PCDH11X: variants seen among roughly 807,000 people sequenced by gnomAD.
PCDH11X encodes the protein protocadherin 11 X-linked.
Under a neutral mutation model 53.3 loss-of-function variants are expected in PCDH11X, and 18 were observed. The observed-to-expected ratio is 0.34, with a 90% confidence interval of 0.23 to 0.50. PCDH11X has a LOEUF of 0.50. PCDH11X is among the 20% of genes least tolerant of loss of function. The pLI is 0.98. For missense variants in PCDH11X, 570 were observed against 1,032.4 expected (o/e 0.55, Z 6.14); for synonymous variants, 279 against 393.3 (o/e 0.71, Z 3.44).
intron 6 of PCDH11X, among the ~76,000 whole-genome samples, chrX:92,002,302 G>A (rs2062524214): frequency 9.3e-6 from 1 of 107,845 alleles, no homozygotes; most frequent in Non-Finnish European, 1.9e-5. Flanking sequence ...GGTTACTATA[G>A]CTTTGTAGTA....
At chrX:91,795,498 T>A (rs1241971068) in intron 1 of PCDH11X, among the ~76,000 whole-genome samples, 1 of 111,554 alleles carries the variant, frequency 9.0e-6, no homozygotes, top group Non-Finnish European at 1.9e-5. Context: ...ATTTGAATGG[T>A]AAATACCAAA....
intron 6 of PCDH11X, among the ~76,000 whole-genome samples, chrX:91,998,349 G>T (rs2062453306): frequency 9.0e-6 from 1 of 111,557 alleles, no homozygotes; most frequent in Non-Finnish European, 1.9e-5. Flanking sequence ...AGCCTCTTAA[G>T]ATTCTTTGTA....
chrX:92,313,374 A>T (rs142954890), intron 8 of PCDH11X, among the ~76,000 whole-genome samples: 1,452 of 110,428 alleles, frequency 0.013, 26 homozygotes, highest in African/African-American at 0.046. Flanking sequence ...GATAGAGAAG[A>T]CAAACCTACA....
In PCDH11X at chrX:92,122,670, C is replaced by T. The variant is rs773759990; in HGVS notation, c.3034-78705C>T. ...AATCTGGGCCAGGAGCAGGCAGTGGCTCACACCTGTAATCCCAGCACTTTG... is the reference window on the plus strand; with the variant it reads ...AATCTGGGCCAGGAGCAGGCAGTGGTTCACACCTGTAATCCCAGCACTTTG... On this transcript the variant is annotated intron_variant, in intron 6 of 10. Transcript: ENST00000682573. 1.1e-4 allele frequency among the ~76,000 whole-genome samples: 12 copies of T among 111,959 alleles called. No individual in the cohort carries two copies. The East Asian group carries it at 3.4e-3, about 32-fold the overall frequency.
intron 7 of PCDH11X, among the ~76,000 whole-genome samples, chrX:92,256,752 C>A (rs1189760081): frequency 9.1e-6 from 1 of 109,960 alleles, no homozygotes; most frequent in African/African-American, 3.3e-5. Flanking sequence ...TGTGTTGTTC[C>A]ACCCTGTGTT....
chrX:92,490,918 G>A lies in PCDH11X; in HGVS notation c.3367+22596G>A, dbSNP rs186427122. ...AATGACAACTGTGAGTTTTGGGGCA[G>A]ATCGTAGGGAATCCTAAGCTGAGAA... is the stretch of plus-strand genomic sequence containing the variant. On this transcript the variant is annotated intron_variant, in intron 10 of 10. Coordinates refer to ENST00000682573, the MANE Select transcript of PCDH11X (RefSeq NM_032968.5). Among the ~76,000 whole-genome samples the A allele has an allele frequency of 4.1e-4, 44 of 107,961 alleles. No individual in the cohort carries two copies. In the East Asian group the frequency reaches 0.014, roughly 33 times the overall value. 93.8% of individuals were successfully genotyped at this position (107,961 alleles called of 115,157 possible). A position where few individuals can be genotyped will look rare whatever the true frequency, so the allele number is the denominator to read the frequency against.
intron 8 of PCDH11X, among the ~76,000 whole-genome samples, chrX:92,305,982 T>C (rs1270472013): frequency 3.7e-5 from 4 of 109,386 alleles, no homozygotes; most frequent in African/African-American, 1.3e-4. Flanking sequence ...TTTTCTCAAG[T>C]ACACTTAGAA....
chrX:91,949,934 G>C (rs768028534), intron 6 of PCDH11X, among the ~76,000 whole-genome samples: 1 of 108,432 alleles, frequency 9.2e-6, no homozygotes, highest in East Asian at 2.9e-4. Flanking sequence ...GGAGTGATCA[G>C]GAGAAGTGGG....
At chrX:92,415,161 A>G (rs1373108035) in intron 9 of PCDH11X, among the ~76,000 whole-genome samples, 1 of 111,441 alleles carries the variant, frequency 9.0e-6, no homozygotes, top group Non-Finnish European at 1.9e-5. Context: ...GAAAAGTTCT[A>G]TAATGCATTC....
rs775760125 is a variant in PCDH11X at position 92,356,878 on chromosome X, G to A, written c.3145-30857G>A. On this transcript the variant is annotated intron_variant, in intron 8 of 10. Coordinates refer to ENST00000682573, the MANE Select transcript of PCDH11X (RefSeq NM_032968.5). Reference sequence around the variant, plus strand: ...TTGCTATTTTCCAGAGATGGGCCACGTAAAATTGTCCACTCTAGGTGATTT... The same window carrying A: ...TTGCTATTTTCCAGAGATGGGCCACATAAAATTGTCCACTCTAGGTGATTT... Among the ~76,000 whole-genome samples, 37 of 110,170 alleles carry A rather than the reference G, an allele frequency of 3.4e-4. No homozygotes were observed. The South Asian group carries it at 0.01, about 31-fold the overall frequency.
At chrX:92,317,013 C>CA (rs1279657981) in intron 8 of PCDH11X, among the ~76,000 whole-genome samples, 1 of 110,123 alleles carries the variant, frequency 9.1e-6, no homozygotes, top group South Asian at 3.8e-4. Flanking sequence ...CACGTACTTT[C>CA]AAAAAAAATT....
intron 6 of PCDH11X, among the ~76,000 whole-genome samples, chrX:92,175,781 TATATACACAC>T (rs1202213901): frequency 6.2e-5 from 5 of 81,141 alleles, no homozygotes; most frequent in Non-Finnish European, 1.2e-4. Flanking sequence ...TGTGTGTATA[TATATACACAC>T]ACACACACAC....
chrX:92,274,988 G>A (rs1374748973), intron 8 of PCDH11X, among the ~76,000 whole-genome samples: 9 of 109,651 alleles, frequency 8.2e-5, no homozygotes, highest in African/African-American at 2.3e-4. Flanking sequence ...GGTAATTGTG[G>A]GACTTAAAGA....
chrX:92,090,261 AC>A (rs1342387977), intron 6 of PCDH11X, among the ~76,000 whole-genome samples: 1 of 111,652 alleles, frequency 9.0e-6, no homozygotes, highest in East Asian at 2.8e-4. Flanking sequence ...ATACAGTGCC[AC>A]CTTTTTATTG....
chrX:92,062,488 G>T (rs1391669645), intron 6 of PCDH11X, among the ~76,000 whole-genome samples: 2 of 111,173 alleles, frequency 1.8e-5, no homozygotes, highest in Non-Finnish European at 3.8e-5. Flanking sequence ...ACTATTTTGA[G>T]GTATGCTCCT....
intron 9 of PCDH11X, among the ~76,000 whole-genome samples, chrX:92,440,452 C>A (rs1224508745): frequency 2.7e-5 from 3 of 109,173 alleles, no homozygotes; most frequent in Non-Finnish European, 5.7e-5. Flanking sequence ...ATCTCGAATA[C>A]CCATGCATTG....
chrX:91,994,987 T>C (rs1329713547), intron 6 of PCDH11X, among the ~76,000 whole-genome samples: 1 of 111,585 alleles, frequency 9.0e-6, no homozygotes, highest in Non-Finnish European at 1.9e-5. Context: ...ATATTGTTCA[T>C]TGGATTATTC....
intron 6 of PCDH11X, among the ~76,000 whole-genome samples, chrX:92,019,268 G>C (rs1255280167): frequency 9.2e-6 from 1 of 108,958 alleles, no homozygotes; most frequent in Non-Finnish European, 1.9e-5. Context: ...AGCAGGAGGA[G>C]ACCCCCTTGA....
intron 8 of PCDH11X, among the ~76,000 whole-genome samples, chrX:92,268,709 A>G (rs188764784): frequency 8.1e-4 from 90 of 111,772 alleles, no homozygotes; most frequent in African/African-American, 2.5e-3. Flanking sequence ...ATTTAACTCA[A>G]TGGTAATGGC....
Sources: allele counts gnomAD v4.1 joint callset (sites outside exome capture counted in the v4.1 genomes callset), GRCh38; gene constraint gnomAD v4.1.1; transcripts MANE v1.5; gene names NCBI Gene and HGNC (gene_info 2026-07-23, HGNC 2026-07-21).